The following PDLIM5 variants were observed in gnomAD, a reference collection of about 807,000 sequenced individuals.
PDLIM5 encodes the protein PDZ and LIM domain 5.
Under a neutral mutation model 64.2 loss-of-function variants are expected in PDLIM5, and 34 were observed. The observed-to-expected ratio is 0.53, with a 90% CI of 0.40 to 0.71. PDLIM5 has a LOEUF of 0.71. Among genes scored for constraint, PDLIM5 ranks in the 30% least tolerant of loss-of-function variants. The pLI is 0.00. For missense variants in PDLIM5, 683 were observed against 733.6 expected (o/e 0.93, Z 0.80); for synonymous variants, 253 against 269.1 (o/e 0.94, Z 0.59).
At chr4:94,471,127 T>C (rs1301140643) in intron 2 of PDLIM5, among the ~76,000 whole-genome samples, 3 of 152,218 alleles carry the variant, frequency 2.0e-5, no homozygotes, top group Non-Finnish European at 4.4e-5. Flanking sequence ...GTGGGAATTA[T>C]GGGAGCTACA....
At chr4:94,467,458 C>A (rs1724473380) in intron 2 of PDLIM5, among the ~76,000 whole-genome samples, 1 of 152,030 alleles carries the variant, frequency 6.6e-6, no homozygotes, top group Non-Finnish European at 1.5e-5. Flanking sequence ...GGATTACAGG[C>A]ACCCACCACC....
chr4:94,552,700 A>T (rs1732915907), intron 3 of PDLIM5, among the ~76,000 whole-genome samples: 1 of 152,178 alleles, frequency 6.6e-6, no homozygotes, highest in African/African-American at 2.4e-5. Context: ...GACATTTTTC[A>T]TAAGAAAAAA....
At chr4:94,533,574 C>T (rs1731073982) in intron 3 of PDLIM5, among the ~76,000 whole-genome samples, 1 of 152,194 alleles carries the variant, frequency 6.6e-6, no homozygotes, top group Admixed American at 6.5e-5. Flanking sequence ...CCTGGTTTCA[C>T]CATTTCCTGG....
At position 94,458,022 on chromosome 4, in the gene PDLIM5, A is replaced by G. The variant is rs533555267; in HGVS notation, c.96+2638A>G. On this transcript the variant is annotated intron_variant, in intron 2 of 12. Coordinates refer to ENST00000317968, the MANE Select transcript of PDLIM5 (RefSeq NM_006457.5). Reference sequence around the variant, plus strand: ...AAGGAGAGAAGGGAATGTTGGCTCAATCGGGCTGCTAGGCTCTTGGCCTTT... The same window carrying G: ...AAGGAGAGAAGGGAATGTTGGCTCAGTCGGGCTGCTAGGCTCTTGGCCTTT... 8.5e-5 allele frequency among the ~76,000 whole-genome samples: 13 copies of G among 152,314 alleles called. No homozygotes were observed. The South Asian group carries it at 2.5e-3, about 29-fold the overall frequency.
chr4:94,495,339 C>T (rs1413989522), intron 2 of PDLIM5, among the ~76,000 whole-genome samples: 1 of 152,080 alleles, frequency 6.6e-6, no homozygotes, highest in African/African-American at 2.4e-5. Context: ...TATCTAATGA[C>T]ACAACTGTGT....
chr4:94,617,947 A>G lies in PDLIM5; in HGVS notation c.921-57A>G. On this transcript the variant is annotated intron_variant, in intron 7 of 12. Coordinates refer to ENST00000317968, the MANE Select transcript of PDLIM5 (RefSeq NM_006457.5). ...TAATGGATTTTGAAAAGAAAGGATT[A>G]TTGCTGAGTTACGTTGCTACCACTT... The G allele has an allele frequency of 4.6e-6, 4 of 874,302 alleles. No homozygotes were observed. The East Asian group carries it at 1.1e-4, about 25-fold the overall frequency. 54.2% of individuals were successfully genotyped at this position (874,302 alleles called of 1,614,324 possible). A position where few individuals can be genotyped will look rare whatever the true frequency, so the allele number is the denominator to read the frequency against.
chr4:94,531,805 A>C (rs2110157646), intron 3 of PDLIM5, among the ~76,000 whole-genome samples: 1 of 152,288 alleles, frequency 6.6e-6, no homozygotes. Flanking sequence ...TCTACTTATG[A>C]GCAACTGCAT....
chr4:94,535,818 A>C (rs999734904), intron 3 of PDLIM5, among the ~76,000 whole-genome samples: 1 of 145,888 alleles, frequency 6.9e-6, no homozygotes, highest in Non-Finnish European at 1.5e-5. Flanking sequence ...CTGGCTTCTA[A>C]CCTTACATAA....
At chr4:94,472,446 G>T (rs769432784) in intron 2 of PDLIM5, among the ~76,000 whole-genome samples, 1 of 152,110 alleles carries the variant, frequency 6.6e-6, no homozygotes, top group Non-Finnish European at 1.5e-5. Flanking sequence ...ACACAGTATT[G>T]CTGGTGATAG....
In PDLIM5 at chr4:94,602,533, A is replaced by C. The variant is rs976201475; in HGVS notation, c.921-15471A>C. 3.9e-5 allele frequency among the ~76,000 whole-genome samples: 6 copies of C among 151,966 alleles called. No individual in the cohort carries two copies. The South Asian group carries it at 6.2e-4, about 16-fold the overall frequency. ...AATGGCAGGATCTTGGCTCACTGCA[A>C]CCTCCGCCTCCCAGGTTCAAGTGAT... is the stretch of plus-strand genomic sequence containing the variant. On this transcript the variant is annotated intron_variant, in intron 7 of 12. Transcript: ENST00000317968.
At chr4:94,485,493 G>A (rs561687155) in intron 2 of PDLIM5, among the ~76,000 whole-genome samples, 1 of 152,146 alleles carries the variant, frequency 6.6e-6, no homozygotes. Flanking sequence ...ATTATGTGAA[G>A]TGAGTGAACC....
intron 2 of PDLIM5, among the ~76,000 whole-genome samples, chr4:94,520,382 A>C (rs969022292): frequency 6.6e-6 from 1 of 152,214 alleles, no homozygotes; most frequent in African/African-American, 2.4e-5. Flanking sequence ...TGCCGTGTAC[A>C]AGATATACTG....
At chr4:94,610,156 G>T in intron 7 of PDLIM5, 1 of 1,505,296 alleles carries the variant, frequency 6.6e-7, no homozygotes, top group Non-Finnish European at 8.9e-7. Flanking sequence ...TTCCCTACCT[G>T]TCAGTTTAAG....
chr4:94,523,179 T>C (rs1183039749), intron 2 of PDLIM5, among the ~76,000 whole-genome samples: 1 of 152,134 alleles, frequency 6.6e-6, no homozygotes, highest in African/African-American at 2.4e-5. Flanking sequence ...GCACACCCAG[T>C]ATAAAAGATA....
intron 2 of PDLIM5, among the ~76,000 whole-genome samples, chr4:94,500,434 C>G (rs1414254915): frequency 1.3e-5 from 2 of 152,082 alleles, no homozygotes; most frequent in Non-Finnish European, 1.5e-5. Flanking sequence ...GATTGATATT[C>G]ACAATATTTG....
chr4:94,549,694 C>T (rs1732634815), intron 3 of PDLIM5: 1 of 152,152 alleles, frequency 6.6e-6, no homozygotes, highest in Non-Finnish European at 1.5e-5. Context: ...TTTGTAGATA[C>T]TGTACACACA....
chr4:94,463,004 A>G (rs1357881677), intron 2 of PDLIM5, among the ~76,000 whole-genome samples: 1 of 152,158 alleles, frequency 6.6e-6, no homozygotes, highest in Non-Finnish European at 1.5e-5. Context: ...TAAAGATGCC[A>G]TTTTCTGAAT....
At chr4:94,585,512 TC>T in intron 5 of PDLIM5, 52 bp from the exon 6 acceptor site, 1 of 1,049,028 alleles carries the variant, frequency 9.5e-7, no homozygotes, top group Non-Finnish European at 1.3e-6. Flanking sequence ...AGATATTTTA[TC>T]CTTTTAATAT....
chr4:94,460,652 A>C (rs1278163456), intron 2 of PDLIM5, among the ~76,000 whole-genome samples: 5 of 152,042 alleles, frequency 3.3e-5, no homozygotes, highest in East Asian at 1.9e-4. Context: ...AAAGGTAAGA[A>C]TAGCACTTTA....
Sources: gnomAD v4.1 joint callset for allele counts (sites outside exome capture counted in the v4.1 genomes callset) on GRCh38, gnomAD v4.1.1 for gene constraint, MANE v1.5 for transcripts, NCBI Gene and HGNC (gene_info 2026-07-23, HGNC 2026-07-21) for gene names.